CHRM2: variants seen among roughly 807,000 people sequenced by gnomAD.
The protein encoded by CHRM2 is cholinergic receptor muscarinic 2, also known as muscarinic acetylcholine receptor M2.
A neutral mutation model predicts 25.0 loss-of-function variants in CHRM2; 8 were observed. That is an observed-to-expected ratio of 0.32 (90% confidence interval 0.19 to 0.58). The LOEUF is 0.58. Ranked by LOEUF, CHRM2 falls within the 20% of genes least tolerant of loss-of-function variation. The pLI, the probability that CHRM2 is intolerant of heterozygous loss-of-function variation, is 0.88. For missense variants in CHRM2, 440 were observed against 567.1 expected (o/e 0.78, Z 2.28); for synonymous variants, 202 against 205.7 (o/e 0.98, Z 0.15).
intron 2 of CHRM2, among the ~76,000 whole-genome samples, chr7:136,917,008 C>T (rs1416012527): frequency 1.3e-5 from 2 of 151,922 alleles, no homozygotes; most frequent in Non-Finnish European, 1.5e-5. Flanking sequence ...GACTCCCGCT[C>T]TCCTGACCAT....
At chr7:136,991,467 T>C (rs1803224521) in intron 2 of CHRM2, among the ~76,000 whole-genome samples, 1 of 152,136 alleles carries the variant, frequency 6.6e-6, no homozygotes. Flanking sequence ...ATTTCTGAGC[T>C]CTCTATTATG....
chr7:136,909,490 C>G (rs1279761144), intron 2 of CHRM2, among the ~76,000 whole-genome samples: 1 of 151,842 alleles, frequency 6.6e-6, no homozygotes, highest in Admixed American at 6.6e-5. Flanking sequence ...GATGAGGACA[C>G]TAAGGCAAAA....
intron 3 of CHRM2, among the ~76,000 whole-genome samples, chr7:136,994,174 GA>G (rs1803420458): frequency 6.6e-6 from 1 of 152,094 alleles, no homozygotes; most frequent in South Asian, 2.1e-4. Context: ...AGACCTTGGG[GA>G]AAATGAAGGG....
chr7:136,869,670 A>G lies in CHRM2; in HGVS notation c.-125+252A>G, dbSNP rs901607909. The G allele has an allele frequency of 6.6e-6, 1 of 152,414 alleles. No homozygotes were observed. The highest frequency in any genetic ancestry group is 1.5e-5 in the Non-Finnish European group (1 of 68,230). 9.4% of individuals were successfully genotyped at this position (152,414 alleles called of 1,614,324 possible). ...GCACAGCGCGAGGCGAGGTACCCCTACGATTCCGACGGTCACTGAGTCCAG... is the reference window on the plus strand; with the variant it reads ...GCACAGCGCGAGGCGAGGTACCCCTGCGATTCCGACGGTCACTGAGTCCAG... On this transcript the variant is annotated intron_variant, in intron 2 of 3. Transcript: ENST00000680005. The surrounding 1 kb of genome is among the most constrained non-coding windows in gnomAD (Gnocchi z 4.9).
intron 2 of CHRM2, among the ~76,000 whole-genome samples, chr7:136,968,463 T>C (rs1344238760): frequency 1.3e-5 from 2 of 151,824 alleles, no homozygotes; most frequent in Non-Finnish European, 2.9e-5. Flanking sequence ...AAGAAAACAG[T>C]ACGGAGGTTC....
chr7:136,916,128 A>G (rs1312552410), intron 2 of CHRM2, among the ~76,000 whole-genome samples: 1 of 123,438 alleles, frequency 8.1e-6, no homozygotes, highest in African/African-American at 2.6e-5. Context: ...TGTAGGGAGA[A>G]TATTGTTCTA....
At chr7:136,975,836 T>C (rs1303966865) in intron 2 of CHRM2, among the ~76,000 whole-genome samples, 1 of 152,202 alleles carries the variant, frequency 6.6e-6, no homozygotes, top group South Asian at 2.1e-4. Context: ...GGGCAAATTA[T>C]CACCTTCTCC....
intron 2 of CHRM2, among the ~76,000 whole-genome samples, chr7:136,946,946 G>A (rs1024765108): frequency 3.3e-5 from 5 of 152,146 alleles, no homozygotes; most frequent in Non-Finnish European, 7.4e-5. Flanking sequence ...GCAATCAGAA[G>A]AATTATTGCT....
At chr7:136,882,669 T>C (rs1796310980) in intron 2 of CHRM2, among the ~76,000 whole-genome samples, 1 of 152,066 alleles carries the variant, frequency 6.6e-6, no homozygotes, top group East Asian at 1.9e-4. Context: ...TCTTTGAAAA[T>C]AAAACTTCCT....
chr7:136,998,883 T>C (rs1018616118), intron 3 of CHRM2, among the ~76,000 whole-genome samples: 1 of 152,112 alleles, frequency 6.6e-6, no homozygotes, highest in East Asian at 1.9e-4. Flanking sequence ...AGAAAACATG[T>C]GCACATAGTG....
At chr7:136,922,907 A>C (rs577098616) in intron 2 of CHRM2, among the ~76,000 whole-genome samples, 1 of 152,316 alleles carries the variant, frequency 6.6e-6, no homozygotes, top group East Asian at 1.9e-4. Flanking sequence ...GGATCGTAGA[A>C]GGTGATTCAT....
At chr7:136,929,316 G>T (rs1281233425) in intron 2 of CHRM2, among the ~76,000 whole-genome samples, 3 of 147,964 alleles carry the variant, frequency 2.0e-5, no homozygotes, top group Non-Finnish European at 4.5e-5. Flanking sequence ...TGTGTCTCTT[G>T]CCCCCTTAAT....
chr7:136,944,503 ATGTGTACATATATACGTGTG>A (rs1799955921), intron 2 of CHRM2, among the ~76,000 whole-genome samples: 1 of 151,822 alleles, frequency 6.6e-6, no homozygotes, highest in Non-Finnish European at 1.5e-5. Context: ...GTATACATAT[ATGTGTACATATATACGTGTG>A]TGTGTACATA....
intron 2 of CHRM2, among the ~76,000 whole-genome samples, chr7:136,944,954 A>G (rs1474445788): frequency 1.3e-5 from 2 of 152,042 alleles, no homozygotes; most frequent in African/African-American, 2.4e-5. Flanking sequence ...TGCAGGAGTA[A>G]GGTGGTATTG....
chr7:136,901,566 G>C (rs1797208603), intron 2 of CHRM2, among the ~76,000 whole-genome samples: 1 of 151,952 alleles, frequency 6.6e-6, no homozygotes, highest in Non-Finnish European at 1.5e-5. Flanking sequence ...GAATAGCAAT[G>C]ATCTTTGGAC....
intron 2 of CHRM2, among the ~76,000 whole-genome samples, chr7:136,892,233 T>C (rs995785606): frequency 2.0e-5 from 3 of 152,248 alleles, no homozygotes; most frequent in Non-Finnish European, 2.9e-5. Flanking sequence ...CTTTAATTTA[T>C]TTAACATCAG....
chr7:136,993,316 C>T (rs184689628), intron 3 of CHRM2, among the ~76,000 whole-genome samples: 1 of 152,272 alleles, frequency 6.6e-6, no homozygotes, highest in Non-Finnish European at 1.5e-5. Context: ...ATGAGACTCC[C>T]TTGATTTCAA....
chr7:136,919,559 T>A (rs775774942), intron 2 of CHRM2, among the ~76,000 whole-genome samples: 2 of 152,044 alleles, frequency 1.3e-5, no homozygotes, highest in African/African-American at 2.4e-5. Context: ...AAGTCCATAT[T>A]CTAATAAGTC....
At chr7:136,941,371 A>G (rs1410238835) in intron 2 of CHRM2, among the ~76,000 whole-genome samples, 1 of 152,224 alleles carries the variant, frequency 6.6e-6, no homozygotes, top group Non-Finnish European at 1.5e-5. Flanking sequence ...AAATGAGAAA[A>G]TAAATTTCCA....
Sources: allele counts gnomAD v4.1 joint callset (sites outside exome capture counted in the v4.1 genomes callset), GRCh38; gene constraint gnomAD v4.1.1; non-coding constraint Gnocchi (gnomAD v3.1); transcripts MANE v1.5; gene names NCBI Gene and HGNC (gene_info 2026-07-23, HGNC 2026-07-21).